The following EXT1 variants were observed in gnomAD, a reference collection of about 807,000 sequenced individuals.
EXT1 encodes the protein exostosin-1.
EXT1 carries 20 observed loss-of-function variants against 82.5 expected under a neutral mutation model. That is an observed-to-expected ratio of 0.24 (90% CI 0.17 to 0.35). The LOEUF (loss-of-function observed/expected upper bound fraction) is 0.35. Among genes scored for constraint, EXT1 ranks in the 10% least tolerant of loss-of-function variants. The probability of loss-of-function intolerance (pLI) is 1.00; values close to 1 mark genes in which losing one functional copy is unlikely to be tolerated. For missense variants in EXT1, 757 were observed against 936.5 expected (o/e 0.81, Z 2.50); for synonymous variants, 348 against 350.8 (o/e 0.99, Z 0.09).
intron 1 of EXT1, among the ~76,000 whole-genome samples, chr8:118,025,903 T>C (rs1816193664): frequency 6.6e-6 from 1 of 152,188 alleles, no homozygotes; most frequent in Admixed American, 6.5e-5. Context: ...CAAAAGTTTC[T>C]GACAATCACT....
chr8:117,958,288 T>C (rs1288811644), intron 1 of EXT1, among the ~76,000 whole-genome samples: 1 of 152,124 alleles, frequency 6.6e-6, no homozygotes, highest in African/African-American at 2.4e-5. Context: ...ACAGGAGAAA[T>C]AGAAACAGAA....
At chr8:118,106,962 TTCTC>T (rs1049221656) in intron 1 of EXT1, among the ~76,000 whole-genome samples, 7 of 152,224 alleles carry the variant, frequency 4.6e-5, no homozygotes, top group Non-Finnish European at 2.9e-5. Flanking sequence ...GAAATTTATT[TTCTC>T]TCTATTACAA....
chr8:117,975,841 G>A (rs1815052938), intron 1 of EXT1, among the ~76,000 whole-genome samples: 1 of 152,156 alleles, frequency 6.6e-6, no homozygotes, highest in Non-Finnish European at 1.5e-5. Context: ...CACATGATCT[G>A]ACATACTTGT....
intron 1 of EXT1, among the ~76,000 whole-genome samples, chr8:118,079,517 T>C (rs1004643972): frequency 6.6e-6 from 1 of 152,134 alleles, no homozygotes; most frequent in African/African-American, 2.4e-5. Context: ...AAGGCCAGAG[T>C]GGCCAGGCAT....
intron 1 of EXT1, among the ~76,000 whole-genome samples, chr8:117,871,784 C>T (rs1483524929): frequency 1.3e-5 from 2 of 152,016 alleles, no homozygotes; most frequent in Non-Finnish European, 2.9e-5. Flanking sequence ...CCACAGTATC[C>T]CCTAGGGTAG....
rs1563582262 is a variant in EXT1, at chr8:117,858,848, A to AAGGAAGGAAG, written c.963-21648_963-21647insCTTCCTTCCT. Reference sequence around the variant, plus strand: ...AGGAAGGAAGGAAGGAAGGAAGGAAAGAAAGAAAGAAAGAAAGAAAGAAAG... The same window carrying AAGGAAGGAAG: ...AGGAAGGAAGGAAGGAAGGAAGGAAAAGGAAGGAAGGAAAGAAAGAAAGAAAGAAAGAAAG... On this transcript the variant is annotated intron_variant, in intron 1 of 10. Coordinates refer to ENST00000378204, the MANE Select transcript of EXT1 (RefSeq NM_000127.3). Among the ~76,000 whole-genome samples the AAGGAAGGAAG allele has an allele frequency of 4.8e-3, 152 of 31,430 alleles. 2 individuals are homozygous for AAGGAAGGAAG. The highest frequency in any genetic ancestry group is 5.3e-3 in the Non-Finnish European group (91 of 17,322). The allele number at this position is 31,430 out of a possible 152,430, so 20.6% of individuals were successfully genotyped here.
chr8:118,067,196 G>T (rs776002609), intron 1 of EXT1, among the ~76,000 whole-genome samples: 7 of 152,226 alleles, frequency 4.6e-5, no homozygotes, highest in East Asian at 1.9e-4. Context: ...TGGCATTTTT[G>T]AATATTGTCA....
intron 1 of EXT1, among the ~76,000 whole-genome samples, chr8:117,849,057 C>T (rs1025634535): frequency 4.6e-5 from 7 of 152,210 alleles, no homozygotes; most frequent in African/African-American, 1.7e-4. Context: ...AATTTCTTGA[C>T]AGAGAATGCT....
chr8:117,869,408 C>CT (rs1812832147), intron 1 of EXT1, among the ~76,000 whole-genome samples: 1 of 152,322 alleles, frequency 6.6e-6, no homozygotes, highest in Admixed American at 6.5e-5. Context: ...GGTCAACTCT[C>CT]TGAGTCCAGG....
chr8:118,090,778 C>CACAAAAA (rs1817509022), intron 1 of EXT1, among the ~76,000 whole-genome samples: 1 of 27,180 alleles, frequency 3.7e-5, no homozygotes, highest in Non-Finnish European at 6.8e-5. Context: ...GATTCTGTCT[C>CACAAAAA]AAAAAAAAAA....
chr8:117,822,273 C>CT (rs1044714449), intron 5 of EXT1, among the ~76,000 whole-genome samples, 192 bp downstream of exon 5: 1 of 152,066 alleles, frequency 6.6e-6, no homozygotes. Context: ...AGAAGTTTTT[C>CT]TTTTTTTCCA....
Position 118,110,184 on chromosome 8 carries a change from T to G in EXT1, c.863A>C (p.Asn288Thr). ...DTRNALYHVH[N>T]GEDVVLLTTC... The stretch of plus-strand genomic sequence containing the variant: ...GGTGAGGAGCACAACGTCCTCCCCG[T>G]TATGGACGTGATATAAGGCATTCCT... The change falls in exon 1 of 11, where the codon AAC becomes ACC. Residue 288 changes from asparagine (N) to threonine (T), a missense_variant. Physicochemically the swap from Asn to Thr is moderately conservative, Grantham distance 65 (BLOSUM62 0). Around this residue, in one of 4 missense-constraint regions of EXT1, gnomAD observed 247 missense variants for 330.1 expected, o/e 0.75. Coordinates refer to ENST00000378204, the MANE Select transcript of EXT1 (RefSeq NM_000127.3). 6.2e-7 allele frequency: 1 copy of G among 1,614,170 alleles called. No homozygotes were observed. The highest frequency in any genetic ancestry group is 8.5e-7 in the Non-Finnish European group (1 of 1,180,028).
intron 1 of EXT1, among the ~76,000 whole-genome samples, chr8:118,071,311 C>A (rs1817087895): frequency 6.6e-6 from 1 of 152,180 alleles, no homozygotes; most frequent in African/African-American, 2.4e-5. Flanking sequence ...TCCTGCGTGA[C>A]ACTGTATTAA....
At chr8:117,826,274 C>CA (rs1812007130) in intron 4 of EXT1, among the ~76,000 whole-genome samples, 4 of 152,174 alleles carry the variant, frequency 2.6e-5, no homozygotes, top group Non-Finnish European at 5.9e-5. Flanking sequence ...TCAACTGAGT[C>CA]TAAGCACTCT....
intron 4 of EXT1, among the ~76,000 whole-genome samples, chr8:117,824,196 TAGAC>T (rs1392182370): frequency 3.3e-5 from 5 of 152,228 alleles, no homozygotes; most frequent in African/African-American, 7.2e-5. Flanking sequence ...AAATTGACAA[TAGAC>T]AGCATTATAA....
At chr8:117,980,877 C>A (rs936608551) in intron 1 of EXT1, among the ~76,000 whole-genome samples, 4 of 152,100 alleles carry the variant, frequency 2.6e-5, no homozygotes. Context: ...CACACACTCC[C>A]GCTGCGAGGG....
chr8:117,827,535 C>T (rs895250748), intron 4 of EXT1, among the ~76,000 whole-genome samples: 4 of 151,926 alleles, frequency 2.6e-5, no homozygotes, highest in African/African-American at 9.7e-5. Flanking sequence ...TGTATTGGGG[C>T]TGGGCATGGT....
intron 1 of EXT1, among the ~76,000 whole-genome samples, chr8:117,859,473 G>C (rs1390389093): frequency 6.6e-6 from 1 of 152,174 alleles, no homozygotes; most frequent in African/African-American, 2.4e-5. Flanking sequence ...GGGTATGAGG[G>C]GGATTCTTCT....
chr8:117,810,701 A>G (rs922178907), intron 8 of EXT1, among the ~76,000 whole-genome samples: 1 of 152,174 alleles, frequency 6.6e-6, no homozygotes, highest in African/African-American at 2.4e-5. Flanking sequence ...TTGTTGCACC[A>G]TGGCGGTGTG....
Sources: gnomAD v4.1 joint callset for allele counts (sites outside exome capture counted in the v4.1 genomes callset) on GRCh38, gnomAD v4.1.1 for gene constraint, gnomAD v4.1.1 regional missense constraint, MANE v1.5 for transcripts, NCBI Gene and HGNC (gene_info 2026-07-23, HGNC 2026-07-21) for gene names.